Variants in TOPAZ1 observed in about 807,000 individuals in gnomAD.
TOPAZ1 encodes the protein protein TOPAZ1.
In TOPAZ1, 66 loss-of-function variants were observed where a neutral mutation model predicts 172.2. That is an observed-to-expected ratio of 0.38 (90% confidence interval 0.31 to 0.47). The LOEUF (loss-of-function observed/expected upper bound fraction) is 0.47. Among genes scored for constraint, TOPAZ1 ranks in the 20% least tolerant of loss-of-function variants. TOPAZ1 has a pLI of 0.99. For missense variants in TOPAZ1, 1,822 were observed against 1,972.4 expected, an observed-to-expected ratio of 0.92 and a Z score of 1.44; for synonymous variants, 681 against 683.9, an observed-to-expected ratio of 1.00 and a Z score of 0.07.
chr3:44,263,903 A>G (rs1461840695), intron 5 of TOPAZ1, among the ~76,000 whole-genome samples: 1 of 152,210 alleles, frequency 6.6e-6, no homozygotes, highest in Non-Finnish European at 1.5e-5. Context: ...AGGATCTCAC[A>G]TATTAGAATA....
At chr3:44,319,727 G>GTATAA (rs1194222434) in intron 16 of TOPAZ1, among the ~76,000 whole-genome samples, 2 of 152,180 alleles carry the variant, frequency 1.3e-5, no homozygotes, top group African/African-American at 4.8e-5. Context: ...CTAACACATA[G>GTATAA]TATAACTCTG....
At chr3:44,315,805 C>T (rs1418790787) in intron 16 of TOPAZ1, among the ~76,000 whole-genome samples, 2 of 152,176 alleles carry the variant, frequency 1.3e-5, no homozygotes, top group Non-Finnish European at 1.5e-5. Context: ...GTCATTAACA[C>T]CTCTTTCTCA....
chr3:44,255,795 A>C (rs544790597), intron 3 of TOPAZ1, among the ~76,000 whole-genome samples: 1 of 151,118 alleles, frequency 6.6e-6, no homozygotes, highest in East Asian at 1.9e-4. Context: ...ACTTAGTATG[A>C]AAGTTAATTT....
chr3:44,325,923 G>A (rs750621724), intron 18 of TOPAZ1, among the ~76,000 whole-genome samples: 17 of 152,126 alleles, frequency 1.1e-4, no homozygotes, highest in Admixed American at 2.6e-4. Context: ...GATTACATGC[G>A]TGAGCCACTG....
intron 4 of TOPAZ1, among the ~76,000 whole-genome samples, chr3:44,261,816 C>T (rs531147859): frequency 5.9e-5 from 9 of 152,182 alleles, no homozygotes; most frequent in Non-Finnish European, 1.2e-4. Flanking sequence ...TAGTTGATGT[C>T]GTCTGTGCTT....
chr3:44,314,981 T>A (rs181790588), intron 16 of TOPAZ1, among the ~76,000 whole-genome samples: 2 of 152,334 alleles, frequency 1.3e-5, no homozygotes, highest in East Asian at 3.9e-4. Context: ...GCTCCCCCAC[T>A]GCGTTCTTTA....
At chr3:44,285,982 G>A (rs2125692488) in intron 9 of TOPAZ1, among the ~76,000 whole-genome samples, 1 of 151,984 alleles carries the variant, frequency 6.6e-6, no homozygotes, top group East Asian at 2.0e-4. Flanking sequence ...GCCAAGGCGG[G>A]CAGATCACCT....
chr3:44,252,568 T>C (rs1273235613), intron 2 of TOPAZ1, among the ~76,000 whole-genome samples: 1 of 152,216 alleles, frequency 6.6e-6, no homozygotes, highest in Admixed American at 6.5e-5. Flanking sequence ...GAAAGGCTAA[T>C]AATGAAAGAT....
At chr3:44,298,948 AGTCTTGCTCT>A (rs1391172310) in intron 12 of TOPAZ1, among the ~76,000 whole-genome samples, 10 of 78,840 alleles carry the variant, frequency 1.3e-4, no homozygotes, top group Middle Eastern at 0.024. Flanking sequence ...CCTGAGATAG[AGTCTTGCTCT>A]GTCACACAGG....
chr3:44,248,197 C>T (rs1428146575), intron 2 of TOPAZ1, among the ~76,000 whole-genome samples: 2 of 152,260 alleles, frequency 1.3e-5, no homozygotes, highest in East Asian at 1.9e-4. Context: ...ACTAATACTC[C>T]CACTGCTCCA....
chr3:44,318,350 G>A (rs1475284757), intron 16 of TOPAZ1, among the ~76,000 whole-genome samples: 1 of 152,114 alleles, frequency 6.6e-6, no homozygotes, highest in Non-Finnish European at 1.5e-5. Flanking sequence ...TACTAAGGAG[G>A]CTGAGGCAGG....
chr3:44,245,201 G>T lies in TOPAZ1; in HGVS notation c.2695G>T (p.Gly899Ter). The stretch of plus-strand genomic sequence containing the variant: ...GATAAGCCAGGAGCCCAATGTTGCT[G>T]GAGAGCACCAATCAACAGACTCCAA... ...PKISQEPNVA[G>*]EHQSTDSKYM... The change falls in exon 2 of 20, where the codon GGA becomes TGA. Residue 899 changes from glycine (G) to a stop codon, truncating the protein, a stop_gained. Transcript: ENST00000309765. LOFTEE classifies it high-confidence loss of function. The T allele has an allele frequency of 6.4e-7, 1 of 1,551,430 alleles. No individual in the cohort carries two copies.
At chr3:44,336,484 A>G (rs1447381852), downstream of TOPAZ1, among the ~76,000 whole-genome samples, 1 of 152,208 alleles carries the variant, frequency 6.6e-6, no homozygotes, top group Non-Finnish European at 1.5e-5. Flanking sequence ...TTGCCCTGGG[A>G]TCATCCACAG....
intron 8 of TOPAZ1, among the ~76,000 whole-genome samples, chr3:44,281,504 A>C (rs1700023420): frequency 6.6e-6 from 1 of 152,134 alleles, no homozygotes; most frequent in Non-Finnish European, 1.5e-5. Flanking sequence ...TTTTCCTTTA[A>C]AAGTTTGTTT....
chr3:44,301,409 C>T (rs1435826737), intron 12 of TOPAZ1, among the ~76,000 whole-genome samples: 3 of 152,106 alleles, frequency 2.0e-5, no homozygotes, highest in Non-Finnish European at 2.9e-5. Flanking sequence ...TAACTTATAA[C>T]TTTTAAAGAT....
At chr3:44,262,983 G>A (rs987679839) in intron 5 of TOPAZ1, among the ~76,000 whole-genome samples, 1 of 152,174 alleles carries the variant, frequency 6.6e-6, no homozygotes, top group African/African-American at 2.4e-5. Flanking sequence ...TGCATTTGAG[G>A]CTTTTAATGT....
At chr3:44,242,547 A>C in intron 1 of TOPAZ1, 148 bp downstream of exon 1, 1 of 925,882 alleles carries the variant, frequency 1.1e-6, no homozygotes, top group Non-Finnish European at 1.6e-6. Flanking sequence ...GATTTCCTTA[A>C]AAGGGGTGTT....
At chr3:44,250,953 AC>A (rs1402446967) in intron 2 of TOPAZ1, among the ~76,000 whole-genome samples, 1 of 152,160 alleles carries the variant, frequency 6.6e-6, no homozygotes, top group Non-Finnish European at 1.5e-5. Context: ...TGAATTGGAT[AC>A]CATAATATTT....
At chr3:44,296,847 C>CAAAAAAAAAAAAAAAAAAAA (rs141080618) in intron 12 of TOPAZ1, among the ~76,000 whole-genome samples, 14 of 104,770 alleles carry the variant, frequency 1.3e-4, no homozygotes, top group Non-Finnish European at 1.8e-4. Context: ...CAGAGAATAC[C>CAAAAAAAAAAAAAAAAAAAA]AAAAAAAAAA....
Sources: allele counts gnomAD v4.1 joint callset (sites outside exome capture counted in the v4.1 genomes callset), GRCh38; gene constraint gnomAD v4.1.1; transcripts MANE v1.5; gene names NCBI Gene and HGNC (gene_info 2026-07-23, HGNC 2026-07-21).